GBE1: variants seen among roughly 807,000 people sequenced by gnomAD.
GBE1 encodes 1,4-alpha-glucan-branching enzyme.
GBE1 carries 70 observed loss-of-function variants against 88.8 expected under a neutral mutation model. The ratio of observed to expected loss-of-function variants is 0.79; its 90% CI spans 0.65 to 0.96. The LOEUF is 0.96. Ranked by LOEUF, GBE1 falls within the 40% of genes least tolerant of loss-of-function variation. The pLI is 0.00. For synonymous variants in GBE1, 284 were observed against 300.1 expected (o/e 0.95, Z 0.56); for missense variants, 872 against 871.0 (o/e 1.00, Z -0.01).
rs536529793 is a variant in GBE1, at chr3:81,602,795, G to A, written c.993-8772C>T. Among the ~76,000 whole-genome samples, 3 of 152,264 alleles carry A rather than the reference G, an allele frequency of 2.0e-5. No individual in the cohort carries two copies. The South Asian group carries it at 6.2e-4, about 32-fold the overall frequency. ...TTGTGTGACTGACTCCCTACATAAT[G>A]CTTAACTATTCTTTCTTGTTTTAAT... On this transcript the variant is annotated intron_variant, in intron 7 of 15. Transcript: ENST00000429644.
chr3:81,649,083 C>T (rs1037914751), intron 4 of GBE1, 92 bp from the exon 5 acceptor site: 2 of 851,778 alleles, frequency 2.3e-6, no homozygotes, highest in Non-Finnish European at 3.5e-6. Context: ...GGTGAATATA[C>T]TCAAACACTT....
chr3:81,744,109 T>C (rs1031584124), intron 1 of GBE1, among the ~76,000 whole-genome samples: 2 of 152,076 alleles, frequency 1.3e-5, no homozygotes, highest in African/African-American at 4.8e-5. Context: ...TACCAACTTT[T>C]TCCAAAAGCT....
chr3:81,575,561 T>C (rs998657157), intron 12 of GBE1, among the ~76,000 whole-genome samples: 2 of 152,144 alleles, frequency 1.3e-5, no homozygotes, highest in South Asian at 2.1e-4. Context: ...AAATGTATAG[T>C]TGTTTTATTT....
intron 7 of GBE1, among the ~76,000 whole-genome samples, chr3:81,618,450 T>C (rs1209419111): frequency 1.3e-5 from 2 of 152,056 alleles, no homozygotes; most frequent in Admixed American, 6.6e-5. Flanking sequence ...AAGTGATCCC[T>C]AGTTGACCTC....
Position 81,750,662 on chromosome 3 carries a change from T to TAC in GBE1, c.143+10712_143+10713insGT, listed in dbSNP as rs1706512769. Among the ~76,000 whole-genome samples, 2 of 84,090 alleles carry TAC rather than the reference T, an allele frequency of 2.4e-5. 1 individual carries two copies. Among genetic ancestry groups the TAC allele is most frequent in the East Asian group, 2.0e-3 (2 of 1,000 alleles). The allele number at this position is 84,090 out of a possible 152,430, so 55.2% of individuals were successfully genotyped here. A position where few individuals can be genotyped will look rare whatever the true frequency, so the allele number is the denominator to read the frequency against. On this transcript the variant is annotated intron_variant, in intron 1 of 15. Coordinates refer to ENST00000429644, the MANE Select transcript of GBE1 (RefSeq NM_000158.4). ...ATATATATGTATATATATATATGTA[T>TAC]ATATATATATACGTATATATATATA... is the stretch of plus-strand genomic sequence containing the variant.
chr3:81,746,520 C>A (rs944046191), intron 1 of GBE1, among the ~76,000 whole-genome samples: 2 of 152,060 alleles, frequency 1.3e-5, no homozygotes, highest in Non-Finnish European at 2.9e-5. Flanking sequence ...CTCAGCCTCC[C>A]AAAGTACTGG....
At chr3:81,671,704 T>A (rs1360187098) in intron 2 of GBE1, among the ~76,000 whole-genome samples, 4 of 152,070 alleles carry the variant, frequency 2.6e-5, no homozygotes, top group Admixed American at 6.6e-5. Context: ...GGCAGAACCA[T>A]AAAATGCTTA....
chr3:81,619,854 A>G (rs1419794539), intron 7 of GBE1, among the ~76,000 whole-genome samples: 1 of 152,102 alleles, frequency 6.6e-6, no homozygotes, highest in Middle Eastern at 3.2e-3. Context: ...GAAACAAAAT[A>G]CCATTTTACA....
rs571898284 is a variant in GBE1 at position 81,656,572 on chromosome 3, C to T, written c.430-6651G>A. Among the ~76,000 whole-genome samples, 48 of 151,892 alleles carry T rather than the reference C, an allele frequency of 3.2e-4. 1 individual carries two copies. In the South Asian group the frequency reaches 9.8e-3, roughly 31 times the overall value. ...CAGTAGCCTTAGGAAACTAATACAGCCAATAAGGGAAAATTTGGAAACAAT... is the reference window on the plus strand; with the variant it reads ...CAGTAGCCTTAGGAAACTAATACAGTCAATAAGGGAAAATTTGGAAACAAT... On this transcript the variant is annotated intron_variant, in intron 3 of 15. Coordinates refer to ENST00000429644, the MANE Select transcript of GBE1 (RefSeq NM_000158.4).
intron 3 of GBE1, among the ~76,000 whole-genome samples, chr3:81,667,818 C>A (rs992666513): frequency 6.6e-6 from 1 of 152,136 alleles, no homozygotes; most frequent in African/African-American, 2.4e-5. Flanking sequence ...GATGGATAAG[C>A]TTTTCTGATG....
intron 9 of GBE1, among the ~76,000 whole-genome samples, chr3:81,590,222 A>G (rs916213946): frequency 1.3e-5 from 2 of 152,072 alleles, no homozygotes; most frequent in Non-Finnish European, 2.9e-5. Context: ...ATTCCATTTC[A>G]TGCCAATAAG....
chr3:81,663,972 T>A (rs1372979368), intron 3 of GBE1, among the ~76,000 whole-genome samples: 1 of 152,148 alleles, frequency 6.6e-6, no homozygotes, highest in Non-Finnish European at 1.5e-5. Flanking sequence ...ACATTCGGAA[T>A]CAGCTTTTTC....
chr3:81,585,855 A>G (rs1168515207), intron 10 of GBE1, among the ~76,000 whole-genome samples: 1 of 152,216 alleles, frequency 6.6e-6, no homozygotes, highest in Non-Finnish European at 1.5e-5. Context: ...TTATACAGCT[A>G]ACATGATATT....
chr3:81,553,645 T>C (rs1410229687), intron 12 of GBE1, among the ~76,000 whole-genome samples: 1 of 143,086 alleles, frequency 7.0e-6, no homozygotes, highest in East Asian at 2.0e-4. Context: ...TGTCTAAAAA[T>C]GTTTCTTTAC....
intron 7 of GBE1, among the ~76,000 whole-genome samples, chr3:81,635,809 TAGAG>T (rs963382132): frequency 1.3e-4 from 20 of 152,022 alleles, no homozygotes; most frequent in African/African-American, 3.9e-4. Context: ...AGAAAGAAAA[TAGAG>T]AGATGTTTTA....
chr3:81,499,164 G>A lies in GBE1; in HGVS notation c.1998C>T (p.Ser666=). ...EYGGHQRLDH[S]TDFFSEAFEH... Reference sequence around the variant, plus strand: ...CAAAAGCCTCAGAAAAAAAGTCAGTGCTGTGGTCCAGTCTCTGATGCCCTC... The same window carrying A: ...CAAAAGCCTCAGAAAAAAAGTCAGTACTGTGGTCCAGTCTCTGATGCCCTC... Residue 666 remains serine (S), a synonymous_variant, in exon 15 of 16, where the codon AGC becomes AGT. Coordinates refer to ENST00000429644, the MANE Select transcript of GBE1 (RefSeq NM_000158.4). 6.2e-7 allele frequency: 1 copy of A among 1,612,180 alleles called. No individual in the cohort carries two copies. Among genetic ancestry groups the A allele is most frequent in the Non-Finnish European group, 8.5e-7 (1 of 1,178,972 alleles).
intron 12 of GBE1, among the ~76,000 whole-genome samples, chr3:81,543,220 A>G (rs553279362): frequency 2.0e-5 from 3 of 152,176 alleles, no homozygotes; most frequent in African/African-American, 7.2e-5. Context: ...TTTTCTGAAA[A>G]TGTTCCTTCA....
At chr3:81,632,354 T>C (rs559324524) in intron 7 of GBE1, among the ~76,000 whole-genome samples, 55 of 152,050 alleles carry the variant, frequency 3.6e-4, no homozygotes, top group African/African-American at 1.3e-3. Flanking sequence ...CTTAAACAAA[T>C]TTACGAGAAA....
chr3:81,536,958 C>T lies in GBE1; in HGVS notation c.1756G>A (p.Asp586Asn), dbSNP rs1703084094. 6.3e-7 allele frequency: 1 copy of T among 1,590,026 alleles called. No individual in the cohort carries two copies. Among genetic ancestry groups the T allele is most frequent in the Non-Finnish European group, 8.5e-7 (1 of 1,169,658 alleles). ...RYKFLNNFDR[D>N]MNRLEERYGW... The stretch of plus-strand genomic sequence containing the variant: ...TATCTTTCTTCCAATCTATTCATAT[C>T]CCTGTCAAAATTATTTAGGAACTTG... The change falls in exon 13 of 16, where the codon GAT becomes AAT. Residue 586 changes from aspartate (D) to asparagine (N), a missense_variant. Coordinates refer to ENST00000429644, the MANE Select transcript of GBE1 (RefSeq NM_000158.4).
Sources: allele counts gnomAD v4.1 joint callset (sites outside exome capture counted in the v4.1 genomes callset), GRCh38; gene constraint gnomAD v4.1.1; transcripts MANE v1.5; gene names NCBI Gene and HGNC (gene_info 2026-07-23, HGNC 2026-07-21).